Variants in HK1 observed in about 807,000 individuals in gnomAD.
HK1 encodes the protein hexokinase-1.
Under a neutral mutation model 91.6 loss-of-function variants are expected in HK1, and 28 were observed. The observed-to-expected ratio is 0.31, with a 90% confidence interval of 0.23 to 0.42. The LOEUF is 0.42. HK1 is among the 10% of genes least tolerant of loss of function. The pLI, the probability that HK1 is intolerant of heterozygous loss-of-function variation, is 1.00. For missense variants in HK1, 770 were observed against 1,219.8 expected (o/e 0.63, Z 5.49); for synonymous variants, 430 against 468.1 (o/e 0.92, Z 1.05).
rs74796339 is a variant in HK1, at chr10:69,356,219, T to C, written c.227-3678T>C. 1.1e-3 allele frequency among the ~76,000 whole-genome samples: 173 copies of C among 151,888 alleles called. 1 individual carries two copies. The East Asian group carries it at 0.031, about 27-fold the overall frequency. On this transcript the variant is annotated intron_variant, in intron 2 of 17. Transcript: ENST00000359426. ...TGGGAGGCCAAGCAAGAGGATCACTTGAGCGAAGGCATTTGAGACAGCCTG... is the reference window on the plus strand; with the variant it reads ...TGGGAGGCCAAGCAAGAGGATCACTCGAGCGAAGGCATTTGAGACAGCCTG...
chr10:69,344,000 C>G lies in HK1; in HGVS notation c.226+11C>G. ...TTCCTGATGGCTCTGGTAAGTCTGT[C>G]ACCCAGAGATTGAACCCTGAGGGCT... On this transcript the variant is annotated intron_variant, in intron 2 of 17. Coordinates refer to ENST00000359426, the MANE Select transcript of HK1 (RefSeq NM_000188.3). 1 of 1,613,388 alleles carries G rather than the reference C, an allele frequency of 6.2e-7. No homozygotes were observed. The highest frequency in any genetic ancestry group is 8.5e-7 in the Non-Finnish European group (1 of 1,179,310).
chr10:69,366,524 T>C (rs1049990952), intron 4 of HK1, among the ~76,000 whole-genome samples: 1 of 152,106 alleles, frequency 6.6e-6, no homozygotes, highest in Non-Finnish European at 1.5e-5. Flanking sequence ...ACAGGGCTTA[T>C]TAATGGCAGG....
At position 69,380,174 on chromosome 10, in the gene HK1, C is replaced by T. The variant is rs745774188; in HGVS notation, c.1265+79C>T. ...CTTCTCCAGAGATCAGACTTTTGTA[C>T]CCGGTAAACGTTTTTCGGCAGACAA... is the stretch of plus-strand genomic sequence containing the variant. On this transcript the variant is annotated intron_variant, in intron 9 of 17. Transcript: ENST00000359426. The surrounding 1 kb of genome is among the most constrained non-coding windows in gnomAD (Gnocchi z 4.0). 6.4e-5 allele frequency: 76 copies of T among 1,189,772 alleles called. No homozygotes were observed. Among genetic ancestry groups the T allele is most frequent in the Non-Finnish European group, 9.0e-5 (72 of 804,104 alleles). The allele number at this position is 1,189,772 out of a possible 1,614,324, so 73.7% of individuals were successfully genotyped here.
chr10:69,283,918 C>T (rs1442566223), intron 2 of HK1, among the ~76,000 whole-genome samples: 3 of 151,970 alleles, frequency 2.0e-5, no homozygotes, highest in Non-Finnish European at 4.4e-5. Context: ...AGATGAGGCC[C>T]AGAGAGAGGC....
At chr10:69,289,498 G>A (rs573246365) in intron 3 of HK1, among the ~76,000 whole-genome samples, 1 of 122,922 alleles carries the variant, frequency 8.1e-6, no homozygotes, top group African/African-American at 3.3e-5. Context: ...TTGAGATAGA[G>A]TCTCATTCTG....
chr10:69,368,373 A>G (rs972007029), intron 4 of HK1, among the ~76,000 whole-genome samples, 163 bp from the exon 5 acceptor site: 4 of 152,020 alleles, frequency 2.6e-5, no homozygotes, highest in Non-Finnish European at 5.9e-5. Context: ...TGATCGGGAG[A>G]TGGAAATGAG....
At chr10:69,397,517 G>T (rs375520413) in intron 16 of HK1, among the ~76,000 whole-genome samples, 1 of 152,136 alleles carries the variant, frequency 6.6e-6, no homozygotes, top group African/African-American at 2.4e-5. Context: ...ATGACAAGAC[G>T]CCTAGCAGGG....
chr10:69,354,435 G>A (rs117801887), intron 2 of HK1, among the ~76,000 whole-genome samples: 3,278 of 152,256 alleles, frequency 0.022, 45 homozygotes, highest in Non-Finnish European at 0.032. Context: ...AAAGCGGCAG[G>A]AAGGAGAAGT....
chr10:69,304,396 C>A (rs2132511172), intron 5 of HK1, among the ~76,000 whole-genome samples: 1 of 152,074 alleles, frequency 6.6e-6, no homozygotes, highest in East Asian at 1.9e-4. Flanking sequence ...CAACCTCTGC[C>A]TCCTGGATTC....
rs1849479778 is a variant in HK1 at position 69,362,444 on chromosome 10, T to G, written c.376-2339T>G. Among the ~76,000 whole-genome samples, 3 of 152,052 alleles carry G rather than the reference T, an allele frequency of 2.0e-5. No homozygotes were observed. The South Asian group carries it at 6.2e-4, about 32-fold the overall frequency. On this transcript the variant is annotated intron_variant, in intron 3 of 17. Transcript: ENST00000359426. ...AGAAGAGAAAATAATGTTTTTTTTT[T>G]TTTTTTTAAGACACTAAAGCTTTGA...
chr10:69,339,009 C>T (rs996895714), intron 1 of HK1, among the ~76,000 whole-genome samples: 66 of 152,186 alleles, frequency 4.3e-4, no homozygotes, highest in Non-Finnish European at 4.4e-5. Flanking sequence ...CTTCAACCCA[C>T]TGCCCATTCC....
chr10:69,284,266 A>G (rs1320626947), intron 2 of HK1, among the ~76,000 whole-genome samples: 2 of 152,226 alleles, frequency 1.3e-5, no homozygotes, highest in Non-Finnish European at 2.9e-5. Context: ...TGTGAGCCTC[A>G]GTTTCCTCAT....
intron 1 of HK1, among the ~76,000 whole-genome samples, chr10:69,280,889 C>A (rs1269413422): frequency 2.6e-5 from 4 of 152,158 alleles, no homozygotes; most frequent in African/African-American, 7.2e-5. Context: ...AAATAATATG[C>A]TTTTACCTTC....
intron 1 of HK1, among the ~76,000 whole-genome samples, chr10:69,337,628 CTG>C (rs1180683342): frequency 1.3e-5 from 2 of 152,228 alleles, no homozygotes; most frequent in Non-Finnish European, 2.9e-5. Flanking sequence ...GTTGAAATCT[CTG>C]TCCTCCCCTA....
intron 16 of HK1, 122 bp downstream of exon 16, chr10:69,395,227 C>A: frequency 1.2e-6 from 1 of 839,862 alleles, no homozygotes; most frequent in Non-Finnish European, 2.0e-6. Context: ...ATTTTTTTTC[C>A]TCTGGAATAG....
chr10:69,299,711 G>C (rs1443705391), intron 4 of HK1, among the ~76,000 whole-genome samples: 1 of 150,854 alleles, frequency 6.6e-6, no homozygotes, highest in Admixed American at 6.6e-5. Context: ...GCCTGGGCTG[G>C]AGTGCAGTGG....
At chr10:69,327,754 A>G (rs905288422) in intron 1 of HK1, among the ~76,000 whole-genome samples, 1 of 152,214 alleles carries the variant, frequency 6.6e-6, no homozygotes, top group Non-Finnish European at 1.5e-5. Context: ...GCAAATTTGT[A>G]ATAGATGAGT....
chr10:69,271,956 T>C (rs566151754), intron 1 of HK1, among the ~76,000 whole-genome samples: 3 of 152,180 alleles, frequency 2.0e-5, no homozygotes, highest in African/African-American at 7.2e-5. Context: ...CTCCACCCCC[T>C]GGGTTCAGTC....
At chr10:69,360,919 T>C (rs1483580736) in intron 3 of HK1, among the ~76,000 whole-genome samples, 1 of 152,226 alleles carries the variant, frequency 6.6e-6, no homozygotes, top group Non-Finnish European at 1.5e-5. Flanking sequence ...GTCCAGCATA[T>C]GTACTCAGAG....
Sources: allele counts gnomAD v4.1 joint callset (sites outside exome capture counted in the v4.1 genomes callset), GRCh38; gene constraint gnomAD v4.1.1; non-coding constraint Gnocchi (gnomAD v3.1); transcripts MANE v1.5; gene names NCBI Gene and HGNC (gene_info 2026-07-23, HGNC 2026-07-21).